KIF5C: variants seen among roughly 807,000 people sequenced by gnomAD.
The protein encoded by KIF5C is kinesin family member 5C.
KIF5C carries 18 observed loss-of-function variants against 125.2 expected under a neutral mutation model. The observed-to-expected ratio is 0.14, with a 90% CI of 0.10 to 0.21. The LOEUF (loss-of-function observed/expected upper bound fraction) is 0.21, where lower values mean the gene tolerates loss of function less well. Ranked by LOEUF, KIF5C falls within the 10% of genes least tolerant of loss-of-function variation. KIF5C has a pLI of 1.00. For synonymous variants in KIF5C, 405 were observed against 434.0 expected (o/e 0.93, Z 0.83); for missense variants, 780 against 1,183.8 (o/e 0.66, Z 5.01).
At chr2:148,943,154 G>T (rs1365164328) in intron 7 of KIF5C, among the ~76,000 whole-genome samples, 1 of 152,152 alleles carries the variant, frequency 6.6e-6, no homozygotes, top group South Asian at 2.1e-4. Context: ...TCTATAATAT[G>T]TTGCAGTCAC....
At chr2:148,889,449 T>G (rs1361614891) in intron 1 of KIF5C, among the ~76,000 whole-genome samples, 1 of 152,124 alleles carries the variant, frequency 6.6e-6, no homozygotes, top group Non-Finnish European at 1.5e-5. Context: ...AGGAAGGACT[T>G]GGAGGGGTTG....
chr2:148,879,793 T>C (rs1051990625), intron 1 of KIF5C: 8 of 152,190 alleles, frequency 5.3e-5, no homozygotes, highest in African/African-American at 1.7e-4. Context: ...CACTTTCCTC[T>C]TATTGGGCTT....
intron 1 of KIF5C, among the ~76,000 whole-genome samples, chr2:148,896,822 CCTCT>C (rs70995344): frequency 9.4e-5 from 14 of 149,354 alleles, no homozygotes; most frequent in African/African-American, 2.5e-4. Context: ...CATGATCCTT[CCTCT>C]CTCTCTCTCT....
intron 16 of KIF5C, 128 bp from the exon 17 acceptor site, chr2:148,994,293 T>G: frequency 3.1e-6 from 4 of 1,293,664 alleles, no homozygotes; most frequent in Non-Finnish European, 4.2e-6. Flanking sequence ...ATGGGCACCA[T>G]TTGGTTGTGG....
At chr2:148,920,893 C>G (rs1204803913) in intron 1 of KIF5C, among the ~76,000 whole-genome samples, 76 of 152,188 alleles carry the variant, frequency 5.0e-4, no homozygotes, top group Admixed American at 4.9e-3. Context: ...GAAAAGGAGG[C>G]TCTTGGCTCT....
intron 11 of KIF5C, among the ~76,000 whole-genome samples, chr2:148,971,290 G>GTCTGTCTGTCTGTCTA (rs764761986): frequency 7.3e-6 from 1 of 137,222 alleles, no homozygotes; most frequent in Non-Finnish European, 1.6e-5. Flanking sequence ...CTGTCTGTCT[G>GTCTGTCTGTCTGTCTA]TCTATCTATC....
intron 3 of KIF5C, among the ~76,000 whole-genome samples, chr2:148,936,396 A>G (rs1682292626): frequency 6.6e-6 from 1 of 152,252 alleles, no homozygotes; most frequent in African/African-American, 2.4e-5. Flanking sequence ...TGTTGAACAC[A>G]TATGAGAACT....
chr2:149,020,217 C>T lies in KIF5C; in HGVS notation c.*8-2861C>T, dbSNP rs999500551. 5 of 152,190 alleles carry T rather than the reference C, an allele frequency of 3.3e-5. No individual in the cohort carries two copies. The East Asian group carries it at 7.7e-4, about 23-fold the overall frequency. The allele number at this position is 152,190 out of a possible 1,614,324, so 9.4% of individuals were successfully genotyped here. On this transcript the variant is annotated intron_variant, in intron 25 of 25. Transcript: ENST00000435030. ...TAGTGGGAAGGATGGATGAGAGCATCCTGCTGGAATCCATGTTTCTTGGGC... is the reference window on the plus strand; with the variant it reads ...TAGTGGGAAGGATGGATGAGAGCATTCTGCTGGAATCCATGTTTCTTGGGC...
chr2:148,910,697 A>G (rs1040962769), intron 1 of KIF5C, among the ~76,000 whole-genome samples: 1 of 152,202 alleles, frequency 6.6e-6, no homozygotes, highest in Non-Finnish European at 1.5e-5. Flanking sequence ...ATCATATACC[A>G]TAGAGCATCC....
At chr2:148,930,846 T>G (rs1682164643) in intron 3 of KIF5C, among the ~76,000 whole-genome samples, 1 of 152,056 alleles carries the variant, frequency 6.6e-6, no homozygotes, top group Admixed American at 6.6e-5. Context: ...GCCCATCTTC[T>G]CCTCCTCTCA....
Position 148,914,946 on chromosome 2 carries a change from T to C in KIF5C, c.127-7191T>C, listed in dbSNP as rs556170480. On this transcript the variant is annotated intron_variant, in intron 1 of 25. Transcript: ENST00000435030. ...CTGTGAGGCTGCCATTGCAAATGAG[T>C]AGACCCTGGAGAGGGTATAATGGTG... Among the ~76,000 whole-genome samples, 89 of 152,268 alleles carry C rather than the reference T, an allele frequency of 5.8e-4. 1 individual carries two copies. The highest frequency in any genetic ancestry group is 2.9e-3 in the South Asian group (14 of 4,822).
chr2:148,998,397 C>G lies in KIF5C; in HGVS notation c.2101-3C>G. On this transcript the variant is annotated splice_polypyrimidine_tract_variant and splice_region_variant and intron_variant, in intron 18 of 25. Transcript: ENST00000435030. ...GACATGTTTCTCTTGGCCTGGGATG[C>G]AGAAGGCGCTGGAGCAGCAGATGGA... 1 of 1,558,582 alleles carries G rather than the reference C, an allele frequency of 6.4e-7. No individual in the cohort carries two copies. Among genetic ancestry groups the G allele is most frequent in the Non-Finnish European group, 8.7e-7 (1 of 1,150,918 alleles).
At chr2:148,907,293 C>T (rs995167622) in intron 1 of KIF5C, among the ~76,000 whole-genome samples, 13 of 152,212 alleles carry the variant, frequency 8.5e-5, no homozygotes, top group South Asian at 2.1e-4. Flanking sequence ...TCACAAGGAC[C>T]GCCTCCTTGA....
intron 18 of KIF5C, 23 bp from the exon 19 acceptor site, chr2:148,998,376 TG>T (rs1318177032): frequency 6.4e-7 from 1 of 1,553,570 alleles, no homozygotes; most frequent in East Asian, 2.4e-5. Context: ...GTAGATGACA[TG>T]TTTCTCTTGG....
chr2:148,887,399 A>T (rs1166699077), intron 1 of KIF5C, among the ~76,000 whole-genome samples: 2 of 151,576 alleles, frequency 1.3e-5, no homozygotes, highest in Non-Finnish European at 2.9e-5. Context: ...TTTCACTTTG[A>T]TATATGGAGA....
chr2:148,961,307 G>A lies in KIF5C; in HGVS notation c.969-664G>A, dbSNP rs1411162059. Among the ~76,000 whole-genome samples, 4 of 152,104 alleles carry A rather than the reference G, an allele frequency of 2.6e-5. No homozygotes were observed. The East Asian group carries it at 7.7e-4, about 29-fold the overall frequency. ...ATGACGGGCTGTGATGGGGGGGGCG[G>A]GTGTGTGCTCAGCAGGGAGCCATGG... On this transcript the variant is annotated intron_variant, in intron 10 of 25. Coordinates refer to ENST00000435030, the MANE Select transcript of KIF5C (RefSeq NM_004522.3).
chr2:148,929,740 T>C (rs1682128056), intron 3 of KIF5C, among the ~76,000 whole-genome samples: 1 of 152,022 alleles, frequency 6.6e-6, no homozygotes, highest in African/African-American at 2.4e-5. Flanking sequence ...TAAAAAACTG[T>C]AGGTCAGAGA....
At chr2:148,945,610 T>A (rs1360497887) in intron 7 of KIF5C, among the ~76,000 whole-genome samples, 1 of 152,176 alleles carries the variant, frequency 6.6e-6, no homozygotes, top group Non-Finnish European at 1.5e-5. Flanking sequence ...GTTACATGAG[T>A]AAGTTCTTTA....
chr2:148,906,449 C>G (rs1681112034), intron 1 of KIF5C, among the ~76,000 whole-genome samples: 1 of 152,016 alleles, frequency 6.6e-6, no homozygotes, highest in African/African-American at 2.4e-5. Context: ...GAAAACTGAG[C>G]AGGAGGACAC....
Sources: gnomAD v4.1 joint callset for allele counts (sites outside exome capture counted in the v4.1 genomes callset) on GRCh38, gnomAD v4.1.1 for gene constraint, MANE v1.5 for transcripts, NCBI Gene and HGNC (gene_info 2026-07-23, HGNC 2026-07-21) for gene names.